COL22A1: variants seen among roughly 807,000 people sequenced by gnomAD.
The protein encoded by COL22A1 is collagen type XXII alpha 1 chain.
A neutral mutation model predicts 248.9 loss-of-function variants in COL22A1; 221 were observed. That is an observed-to-expected ratio of 0.89 (90% CI 0.80 to 0.99). The LOEUF (loss-of-function observed/expected upper bound fraction) is 0.99. COL22A1 is among the 50% of genes least tolerant of loss of function. The pLI, the probability that COL22A1 is intolerant of heterozygous loss-of-function variation, is 0.00. For synonymous variants in COL22A1, 891 were observed against 793.4 expected, an observed-to-expected ratio of 1.12 and a Z score of -2.07; for missense variants, 2,240 against 2,179.0, an observed-to-expected ratio of 1.03 and a Z score of -0.56.
At chr8:138,659,803 A>G (rs1823622284) in intron 44 of COL22A1, among the ~76,000 whole-genome samples, 1 of 152,206 alleles carries the variant, frequency 6.6e-6, no homozygotes, top group African/African-American at 2.4e-5. Context: ...ACCAACACTC[A>G]GGGCTGTCCC....
intron 3 of COL22A1, among the ~76,000 whole-genome samples, chr8:138,867,003 G>A (rs1458306834): frequency 1.3e-5 from 2 of 152,166 alleles, no homozygotes; most frequent in Non-Finnish European, 2.9e-5. Flanking sequence ...GGAGCTGGTG[G>A]CAGCAACTCC....
At position 138,685,279 on chromosome 8, in the gene COL22A1, C is replaced by A. The variant is rs1332184828; in HGVS notation, c.2896G>T (p.Val966Phe). 1 of 1,613,826 alleles carries A rather than the reference C, an allele frequency of 6.2e-7. No homozygotes were observed. Among genetic ancestry groups the A allele is most frequent in the African/African-American group, 1.3e-5 (1 of 74,920 alleles). The stretch of plus-strand genomic sequence containing the variant: ...GCACCAGGATCTCCCCTGGGACCAA[C>A]TGGCCCTGGGCTGCCTTCTTCCCCC... Reference protein sequence around the residue: ...AAGEEGSPGPVGPRGDPGAPG... With the variant: ...AAGEEGSPGPFGPRGDPGAPG... The change falls in exon 38 of 65, where the codon GTT (valine) becomes TTT (phenylalanine). Residue 966 changes from valine to phenylalanine, a missense_variant. By Grantham distance (50) the Val-to-Phe change is conservative. Coordinates refer to ENST00000303045, the MANE Select transcript of COL22A1 (RefSeq NM_152888.3).
At chr8:138,911,639 T>C (rs993440598) in intron 1 of COL22A1, among the ~76,000 whole-genome samples, 36 of 152,204 alleles carry the variant, frequency 2.4e-4, no homozygotes, top group South Asian at 2.1e-4. Context: ...GACTAAGATT[T>C]GTAACATGAA....
At chr8:138,804,469 C>T (rs763059959) in intron 10 of COL22A1, among the ~76,000 whole-genome samples, 3 of 152,344 alleles carry the variant, frequency 2.0e-5, no homozygotes, top group South Asian at 2.1e-4. Context: ...CATTACTAAA[C>T]AGCCCTTGCT....
In COL22A1 at chr8:138,833,029, G is replaced by T; in HGVS notation, c.845+10C>A. 1.9e-6 allele frequency: 3 copies of T among 1,559,812 alleles called. No individual in the cohort carries two copies. In the South Asian group the frequency reaches 3.3e-5, roughly 17 times the overall value. ...CCTGGGCAGGTCTGGAAAGAGAAGTGGCCACTCACTCAGTACTTTGCACCA... is the reference window on the plus strand; with the variant it reads ...CCTGGGCAGGTCTGGAAAGAGAAGTTGCCACTCACTCAGTACTTTGCACCA... On this transcript the variant is annotated intron_variant, in intron 5 of 64. Coordinates refer to ENST00000303045, the MANE Select transcript of COL22A1 (RefSeq NM_152888.3).
At chr8:138,807,075 G>A (rs1317092218) in intron 10 of COL22A1, among the ~76,000 whole-genome samples, 1 of 152,146 alleles carries the variant, frequency 6.6e-6, no homozygotes, top group Non-Finnish European at 1.5e-5. Context: ...TGGAAGGAAA[G>A]AGAGAGATGA....
chr8:138,799,175 A>G (rs1361726449), intron 11 of COL22A1, among the ~76,000 whole-genome samples: 1 of 151,904 alleles, frequency 6.6e-6, no homozygotes, highest in Non-Finnish European at 1.5e-5. Context: ...ATAATTTCTA[A>G]CTCTTTATTG....
At chr8:138,867,912 A>T (rs57158334) in intron 3 of COL22A1, among the ~76,000 whole-genome samples, 8,393 of 152,120 alleles carry the variant, frequency 0.055, 803 homozygotes, top group African/African-American at 0.19. Flanking sequence ...TTATAGGCAC[A>T]TGCCAACATG....
At chr8:138,785,259 T>C (rs1815416468) in intron 12 of COL22A1, among the ~76,000 whole-genome samples, 2 of 152,152 alleles carry the variant, frequency 1.3e-5, no homozygotes, top group Admixed American at 6.5e-5. Context: ...GAGACGGTGG[T>C]GAGCAATAAA....
intron 3 of COL22A1, among the ~76,000 whole-genome samples, chr8:138,857,024 C>A (rs910334229): frequency 1.3e-5 from 2 of 152,228 alleles, no homozygotes; most frequent in Non-Finnish European, 2.9e-5. Context: ...GAAAGGCCGC[C>A]TTTGCCCCTC....
chr8:138,753,334 A>T (rs16909553), intron 21 of COL22A1, among the ~76,000 whole-genome samples: 8,705 of 152,252 alleles, frequency 0.057, 843 homozygotes, highest in African/African-American at 0.2. Context: ...TGGGCCTCTC[A>T]TTACTGTTCT....
At chr8:138,876,342 C>T (rs115346012) in intron 3 of COL22A1, among the ~76,000 whole-genome samples, 4 of 152,318 alleles carry the variant, frequency 2.6e-5, no homozygotes, top group Admixed American at 6.5e-5. Context: ...ACACATACCA[C>T]GACCACACAT....
chr8:138,706,101 T>C (rs564629215), intron 30 of COL22A1, among the ~76,000 whole-genome samples: 3 of 152,286 alleles, frequency 2.0e-5, no homozygotes, highest in South Asian at 2.1e-4. Context: ...CCTAAATATA[T>C]ATGCACCCAA....
intron 4 of COL22A1, among the ~76,000 whole-genome samples, chr8:138,835,315 A>G (rs1820347528): frequency 6.6e-6 from 1 of 152,218 alleles, no homozygotes; most frequent in Non-Finnish European, 1.5e-5. Context: ...TAAAGATGCG[A>G]ACAGTATTCA....
chr8:138,711,451 C>T (rs1250626373), intron 30 of COL22A1, among the ~76,000 whole-genome samples: 5 of 152,210 alleles, frequency 3.3e-5, no homozygotes, highest in African/African-American at 7.2e-5. Context: ...ATGTGACTGC[C>T]ATGGCCCTGG....
chr8:138,795,513 C>CCT (rs969551019), intron 12 of COL22A1, among the ~76,000 whole-genome samples: 1 of 118,886 alleles, frequency 8.4e-6, no homozygotes, highest in Non-Finnish European at 1.7e-5. Flanking sequence ...CTCTGTCTCT[C>CCT]CTCTCTCTCT....
At chr8:138,722,852 GGGGGGGGGT>G (rs1829983359) in intron 25 of COL22A1, among the ~76,000 whole-genome samples, 1 of 128,450 alleles carries the variant, frequency 7.8e-6, no homozygotes, top group South Asian at 3.7e-4. Context: ...CATGGGGGCG[GGGGGGGGGT>G]GGTGGAAAAC....
At chr8:138,593,425 T>A (rs1817259092) in intron 63 of COL22A1, among the ~76,000 whole-genome samples, 1 of 152,216 alleles carries the variant, frequency 6.6e-6, no homozygotes, top group Non-Finnish European at 1.5e-5. Flanking sequence ...AAAAAGTTTT[T>A]AAATTTATTT....
At chr8:138,626,652 T>G (rs1820265497) in intron 50 of COL22A1, among the ~76,000 whole-genome samples, 1 of 152,120 alleles carries the variant, frequency 6.6e-6, no homozygotes, top group Admixed American at 6.5e-5. Flanking sequence ...GACCTTGAGG[T>G]GTTGTGCATA....
Sources: gnomAD v4.1 joint callset for allele counts (sites outside exome capture counted in the v4.1 genomes callset) on GRCh38, gnomAD v4.1.1 for gene constraint, MANE v1.5 for transcripts, NCBI Gene and HGNC (gene_info 2026-07-23, HGNC 2026-07-21) for gene names.